The following FDFT1 variants were observed in gnomAD, a reference collection of about 807,000 sequenced individuals.
The protein encoded by FDFT1 is squalene synthase.
FDFT1 carries 68 observed loss-of-function variants against 46.8 expected under a neutral mutation model. The observed-to-expected ratio is 1.45, with a 90% CI of 1.19 to 1.78. The LOEUF is 1.78. Among genes scored for constraint, FDFT1 ranks in the 40% most tolerant of loss-of-function variants. The probability of loss-of-function intolerance (pLI) is 0.00; values close to 1 mark genes in which losing one functional copy is unlikely to be tolerated. For synonymous variants in FDFT1, 351 were observed against 185.1 expected (o/e 1.90, Z -7.28); for missense variants, 928 against 524.4 (o/e 1.77, Z -7.52).
chr8:11,806,555 G>T (rs905192397), intron 1 of FDFT1, among the ~76,000 whole-genome samples: 15 of 152,198 alleles, frequency 9.9e-5, no homozygotes, highest in African/African-American at 3.6e-4. Flanking sequence ...TGTTCTTGAA[G>T]AGTGTTGGGG....
chr8:11,799,274 C>T (rs1365176736), upstream of FDFT1, among the ~76,000 whole-genome samples: 1 of 152,190 alleles, frequency 6.6e-6, no homozygotes, highest in Non-Finnish European at 1.5e-5. Flanking sequence ...ATCTCTTGAC[C>T]AGTCAAAGCT....
chr8:11,818,121 C>G (rs939499871), intron 3 of FDFT1, among the ~76,000 whole-genome samples: 9 of 152,154 alleles, frequency 5.9e-5, no homozygotes, highest in Non-Finnish European at 1.0e-4. Flanking sequence ...GTTATGTACC[C>G]AGTAGTCATT....
At chr8:11,826,902 T>G (rs1042799949) in intron 5 of FDFT1, among the ~76,000 whole-genome samples, 1 of 152,158 alleles carries the variant, frequency 6.6e-6, no homozygotes, top group Non-Finnish European at 1.5e-5. Context: ...TCGCCTGGAT[T>G]ACGTCTACAC....
chr8:11,833,127 A>G (rs1290627313), intron 7 of FDFT1, among the ~76,000 whole-genome samples: 1 of 152,182 alleles, frequency 6.6e-6, no homozygotes, highest in Admixed American at 6.5e-5. Flanking sequence ...AAACCCTAAA[A>G]TTTTGTAGTC....
chr8:11,825,339 C>T (rs151260597), intron 4 of FDFT1, among the ~76,000 whole-genome samples: 7 of 151,890 alleles, frequency 4.6e-5, no homozygotes, highest in Non-Finnish European at 1.0e-4. Context: ...GTCAGGAGTT[C>T]GAGACCAGCG....
chr8:11,815,335 T>C (rs1277119107), intron 3 of FDFT1, among the ~76,000 whole-genome samples: 2 of 152,204 alleles, frequency 1.3e-5, no homozygotes, highest in Non-Finnish European at 2.9e-5. Flanking sequence ...AACATACATG[T>C]GCTTGTGTCT....
At position 11,838,458 on chromosome 8, in the gene FDFT1, C is replaced by T. The variant is rs755672538; in HGVS notation, c.1103C>T (p.Thr368Met). 346 of 1,607,614 alleles carry T rather than the reference C, an allele frequency of 2.2e-4. 3 individuals carry two copies. Among genetic ancestry groups the T allele is most frequent in the South Asian group, 1.8e-3 (164 of 90,168 alleles). ...KTRQIISTIR[T>M]QNLPNCQLIS... ...AGGCAGATCATCTCCACCATCCGGA[C>T]GCAGAATCTTCCCAACTGTCAGCTG... Residue 368 changes from threonine to methionine, a missense_variant, in exon 8 of 8, where the codon ACG becomes ATG. Physicochemically the swap from Thr to Met is moderately conservative, Grantham distance 81 (BLOSUM62 -1). Transcript: ENST00000220584.
upstream of FDFT1, among the ~76,000 whole-genome samples, chr8:11,797,381 T>A (rs1213874102): frequency 6.6e-6 from 1 of 152,204 alleles, no homozygotes; most frequent in Non-Finnish European, 1.5e-5. Context: ...TTAGGGGCTC[T>A]CTAACAAATA....
At chr8:11,820,978 C>G (rs1809158892) in intron 3 of FDFT1, among the ~76,000 whole-genome samples, 2 of 152,228 alleles carry the variant, frequency 1.3e-5, no homozygotes, top group Admixed American at 6.5e-5. Flanking sequence ...TAGACCAGAG[C>G]TGTTCCTACT....
chr8:11,806,047 C>T (rs1034079374), intron 1 of FDFT1, among the ~76,000 whole-genome samples: 1 of 152,104 alleles, frequency 6.6e-6, no homozygotes, highest in Admixed American at 6.5e-5. Context: ...CTGGAGAAAT[C>T]TATTCTATTT....
At chr8:11,822,766 T>C (rs1436914402) in intron 4 of FDFT1, among the ~76,000 whole-genome samples, 1 of 152,156 alleles carries the variant, frequency 6.6e-6, no homozygotes, top group South Asian at 2.1e-4. Context: ...CAGTGAGCCA[T>C]GATTGTGCCA....
chr8:11,831,951 C>T (rs1429774436), intron 7 of FDFT1, among the ~76,000 whole-genome samples: 1 of 152,162 alleles, frequency 6.6e-6, no homozygotes, highest in East Asian at 1.9e-4. Context: ...CAAGATGATG[C>T]AGGAGGCCAA....
chr8:11,834,707 G>C (rs1214132309), intron 7 of FDFT1, among the ~76,000 whole-genome samples: 2 of 152,248 alleles, frequency 1.3e-5, no homozygotes, highest in Non-Finnish European at 2.9e-5. Flanking sequence ...CATATTCGCA[G>C]TTGTAAGTAG....
At chr8:11,837,980 C>A (rs1387079115) in intron 7 of FDFT1, among the ~76,000 whole-genome samples, 1 of 152,204 alleles carries the variant, frequency 6.6e-6, no homozygotes, top group Non-Finnish European at 1.5e-5. Flanking sequence ...CGTGTTCCAT[C>A]TTGTTTCTAA....
At chr8:11,807,763 C>G (rs1199815864) in intron 1 of FDFT1, among the ~76,000 whole-genome samples, 1 of 152,168 alleles carries the variant, frequency 6.6e-6, no homozygotes, top group Admixed American at 6.5e-5. Flanking sequence ...GAGAAGACAT[C>G]TTGAAAGGAA....
chr8:11,808,149 A>C, intron 1 of FDFT1: 1 of 595,446 alleles, frequency 1.7e-6, no homozygotes, highest in Non-Finnish European at 2.2e-6. Context: ...ATTCTTGGTA[A>C]AACTGGGCGA....
At chr8:11,830,470 T>G in intron 6 of FDFT1, 50 bp downstream of exon 6, 1 of 1,361,622 alleles carries the variant, frequency 7.3e-7, no homozygotes, top group Non-Finnish European at 1.0e-6. Context: ...GGGAGTGGGG[T>G]AGGAGTAAGG....
intron 1 of FDFT1, among the ~76,000 whole-genome samples, chr8:11,805,297 C>T (rs1327785742): frequency 6.6e-6 from 1 of 152,134 alleles, no homozygotes; most frequent in East Asian, 1.9e-4. Flanking sequence ...AAGCATTTGG[C>T]TATAGAATTT....
chr8:11,797,727 G>A (rs886313237), upstream of FDFT1, among the ~76,000 whole-genome samples: 57 of 151,908 alleles, frequency 3.8e-4, no homozygotes, highest in African/African-American at 1.3e-3. Flanking sequence ...CACCAGAAAA[G>A]GATTCCTGAA....
Sources: allele counts gnomAD v4.1 joint callset (sites outside exome capture counted in the v4.1 genomes callset), GRCh38; gene constraint gnomAD v4.1.1; transcripts MANE v1.5; gene names NCBI Gene and HGNC (gene_info 2026-07-23, HGNC 2026-07-21).